Variants in USP45 observed in about 807,000 individuals in gnomAD.
The protein encoded by USP45 is ubiquitin specific peptidase 45, also known as ubiquitin carboxyl-terminal hydrolase 45.
In USP45, 89 loss-of-function variants were observed where a neutral mutation model predicts 95.8. The observed-to-expected ratio is 0.93, with a 90% CI of 0.78 to 1.11. The LOEUF is 1.11. Among genes scored for constraint, USP45 ranks in the 50% least tolerant of loss-of-function variants. The pLI is 0.00. For synonymous variants in USP45, 281 were observed against 316.2 expected (o/e 0.89, Z 1.18); for missense variants, 898 against 942.5 (o/e 0.95, Z 0.62).
intron 10 of USP45, 98 bp downstream of exon 10, chr6:99,468,439 T>C: frequency 1.3e-6 from 1 of 792,436 alleles, no homozygotes; most frequent in Non-Finnish European, 2.0e-6. Flanking sequence ...GCCACTACTT[T>C]GGTGGATTAG....
intron 7 of USP45, among the ~76,000 whole-genome samples, chr6:99,484,193 G>A (rs1486009351): frequency 3.4e-5 from 5 of 148,612 alleles, no homozygotes; most frequent in South Asian, 4.3e-4. Context: ...TTTTTTAGAC[G>A]AAGTCTCACT....
At position 99,502,215 on chromosome 6, in the gene USP45, GA is replaced by G. The variant is rs536969819; in HGVS notation, c.478+1549del. 7.2e-5 allele frequency among the ~76,000 whole-genome samples: 11 copies of G among 152,328 alleles called. No homozygotes were observed. In the South Asian group the frequency reaches 2.1e-3, roughly 29 times the overall value. ...ATGCATGGGCTGGGGAGAGTGAGGA[GA>G]ATGCATCCTCATTCCCTCTGGAGTG... On this transcript the variant is annotated intron_variant, in intron 5 of 17. Coordinates refer to ENST00000500704, the MANE Select transcript of USP45 (RefSeq NM_001346022.3).
Position 99,503,853 on chromosome 6 carries a change from A to G in USP45, c.390T>C (p.Cys130=), listed in dbSNP as rs61734771. The G allele has an allele frequency of 1.4e-3, 2,150 of 1,578,868 alleles. 27 individuals are homozygous for G. In the African/African-American group the frequency reaches 0.026, roughly 19 times the overall value. Residue 130 remains cysteine (C), a synonymous_variant, in exon 5 of 18, where the codon TGT becomes TGC. Coordinates refer to ENST00000500704, the MANE Select transcript of USP45 (RefSeq NM_001346022.3). ...LSTWIIWCYE[C]DEKLSTHCNK... is the part of the protein sequence containing the mutation. ...TACAATGCGTTGATAATTTTTCATC[A>G]CATTCATAACACCTGAAAAAGTATA... is the stretch of plus-strand genomic sequence containing the variant.
At chr6:99,497,576 T>C (rs950331249) in intron 5 of USP45, among the ~76,000 whole-genome samples, 2 of 152,242 alleles carry the variant, frequency 1.3e-5, no homozygotes, top group African/African-American at 4.8e-5. Context: ...TAGAAATCTT[T>C]ACTTAGTCAT....
intron 13 of USP45, among the ~76,000 whole-genome samples, chr6:99,447,706 G>A (rs200151330): frequency 1.9e-4 from 29 of 152,236 alleles, no homozygotes; most frequent in Middle Eastern, 3.4e-3. Flanking sequence ...AGTGGTTCTC[G>A]CAGCACAGAG....
Position 99,514,006 on chromosome 6 carries a change from T to C in USP45, c.-11+1386A>G, listed in dbSNP as rs558242169. ...AAAAGCCCAGTACCACTAGGAAATA[T>C]ATCCTCGTAAAAAAACGGCACTTAT... On this transcript the variant is annotated intron_variant, in intron 1 of 17. Transcript: ENST00000500704. 6.6e-5 allele frequency among the ~76,000 whole-genome samples: 10 copies of C among 152,292 alleles called. No homozygotes were observed. In the South Asian group the frequency reaches 2.1e-3, roughly 32 times the overall value.
At chr6:99,493,567 G>A (rs550190967) in intron 5 of USP45, among the ~76,000 whole-genome samples, 27 of 152,092 alleles carry the variant, frequency 1.8e-4, no homozygotes, top group African/African-American at 5.3e-4. Flanking sequence ...GCACAATCTC[G>A]GCTCACTGCA....
intron 13 of USP45, 22 bp downstream of exon 13, chr6:99,464,582 T>C: frequency 4.4e-6 from 7 of 1,595,904 alleles, no homozygotes; most frequent in Non-Finnish European, 5.1e-6. Flanking sequence ...AACAGACGTC[T>C]AACAGATGCT....
In USP45 at chr6:99,508,770, C is replaced by G; in HGVS notation, c.113G>C (p.Cys38Ser). 1 of 1,609,760 alleles carries G rather than the reference C, an allele frequency of 6.2e-7. No homozygotes were observed. Among genetic ancestry groups the G allele is most frequent in the South Asian group, 1.1e-5 (1 of 89,892 alleles). Residue 38 changes from cysteine (C) to serine (S), a missense_variant, in exon 3 of 18, where the codon TGC becomes TCC. Cys to Ser is a moderately radical substitution (Grantham distance 112, BLOSUM62 -1). Transcript: ENST00000500704. ...GCTGATAGCATGACTTACATGTTGG[C>G]AAGTTAAACCTACTGAATAAGATAA... ...SSDDIAVGLT[C>S]QHVSHAISVN...
chr6:99,443,543 T>C (rs765151244), intron 15 of USP45, 22 bp downstream of exon 15: 9 of 1,531,122 alleles, frequency 5.9e-6, no homozygotes, highest in Admixed American at 5.2e-5. Context: ...ATGAAAATTA[T>C]GGTGCTACTG....
At chr6:99,462,641 C>T in intron 13 of USP45, 3 of 985,300 alleles carry the variant, frequency 3.0e-6, no homozygotes, top group Non-Finnish European at 3.6e-6. Context: ...ACATGTTGTC[C>T]TTTCTGAAGT....
chr6:99,506,465 T>C (rs1798548243), intron 4 of USP45, among the ~76,000 whole-genome samples: 1 of 152,178 alleles, frequency 6.6e-6, no homozygotes, highest in Non-Finnish European at 1.5e-5. Flanking sequence ...TGCGCCACCA[T>C]GCCCAGCTAA....
intron 13 of USP45, chr6:99,461,043 T>C: frequency 3.0e-6 from 3 of 985,388 alleles, no homozygotes; most frequent in South Asian, 4.7e-5. Context: ...CCAAAGTTCA[T>C]GTAAATTGTA....
At chr6:99,486,078 C>A (rs1793800480) in intron 7 of USP45, among the ~76,000 whole-genome samples, 1 of 152,180 alleles carries the variant, frequency 6.6e-6, no homozygotes, top group African/African-American at 2.4e-5. Context: ...TAAGGCAAGG[C>A]TGACTGCTCC....
intron 9 of USP45, among the ~76,000 whole-genome samples, chr6:99,475,291 T>TAATA (rs1320523894): frequency 9.4e-5 from 14 of 149,076 alleles, no homozygotes; most frequent in Non-Finnish European, 1.6e-4. Flanking sequence ...CGCCCAGGAA[T>TAATA]AATATCTCCC....
intron 10 of USP45, chr6:99,468,116 A>G: frequency 2.2e-6 from 1 of 455,690 alleles, no homozygotes; most frequent in South Asian, 1.6e-5. Context: ...TCTCTTCAAT[A>G]AACGGTTTAT....
chr6:99,460,557 G>C (rs1194396989), intron 13 of USP45, among the ~76,000 whole-genome samples: 2 of 152,066 alleles, frequency 1.3e-5, no homozygotes, highest in African/African-American at 2.4e-5. Flanking sequence ...ATAATACCTT[G>C]AGCAATTTAG....
At chr6:99,516,219 C>T (rs1337612965), upstream of USP45, among the ~76,000 whole-genome samples, 1 of 152,204 alleles carries the variant, frequency 6.6e-6, no homozygotes, top group East Asian at 1.9e-4. Context: ...TTGAAATACA[C>T]CTATACCTCC....
intron 7 of USP45, among the ~76,000 whole-genome samples, chr6:99,486,332 C>G (rs1793863795): frequency 6.6e-6 from 1 of 152,120 alleles, no homozygotes; most frequent in South Asian, 2.1e-4. Flanking sequence ...ACTACAGTAT[C>G]TAATTGCCAT....
Sources: gnomAD v4.1 joint callset for allele counts (sites outside exome capture counted in the v4.1 genomes callset) on GRCh38, gnomAD v4.1.1 for gene constraint, MANE v1.5 for transcripts, NCBI Gene and HGNC (gene_info 2026-07-23, HGNC 2026-07-21) for gene names.